The following C3orf20 variants were observed in gnomAD, a reference collection of about 807,000 sequenced individuals.
C3orf20 encodes the protein family with sequence similarity 149 member C, also known as uncharacterized protein C3orf20.
C3orf20 carries 76 observed loss-of-function variants against 88.3 expected under a neutral mutation model. That is an observed-to-expected ratio of 0.86 (90% CI 0.72 to 1.04). The LOEUF is 1.04. Ranked by LOEUF, C3orf20 falls within the 50% of genes least tolerant of loss-of-function variation. The pLI is 0.00. For missense variants in C3orf20, 1,056 were observed against 1,123.3 expected (o/e 0.94, Z 0.86); for synonymous variants, 436 against 437.4 (o/e 1.00, Z 0.04).
intron 12 of C3orf20, among the ~76,000 whole-genome samples, chr3:14,743,178 G>A (rs550299989): frequency 6.6e-6 from 1 of 152,118 alleles, no homozygotes; most frequent in East Asian, 1.9e-4. Flanking sequence ...AAAATTGAAA[G>A]CAAGCTAGCT....
intron 4 of C3orf20, among the ~76,000 whole-genome samples, chr3:14,684,763 C>G (rs747035518): frequency 6.6e-6 from 1 of 152,270 alleles, no homozygotes; most frequent in South Asian, 2.1e-4. Context: ...GCACAGGCCT[C>G]TCAGTGCTCA....
At chr3:14,770,431 C>G (rs927398380) in intron 15 of C3orf20, among the ~76,000 whole-genome samples, 1 of 152,154 alleles carries the variant, frequency 6.6e-6, no homozygotes, top group East Asian at 1.9e-4. Context: ...AGGCCCTGGC[C>G]TTAAGCAAGT....
intron 9 of C3orf20, among the ~76,000 whole-genome samples, chr3:14,721,142 T>G (rs1479959786): frequency 6.6e-6 from 1 of 152,156 alleles, no homozygotes; most frequent in Admixed American, 6.5e-5. Flanking sequence ...AGGGGCTGAG[T>G]ATGTGTGGCC....
At chr3:14,753,280 T>A (rs150606203) in intron 12 of C3orf20, among the ~76,000 whole-genome samples, 50 of 151,846 alleles carry the variant, frequency 3.3e-4, no homozygotes, top group African/African-American at 1.1e-3. Flanking sequence ...TAAGTGGGAG[T>A]TGAACAATGA....
intron 9 of C3orf20, among the ~76,000 whole-genome samples, chr3:14,719,647 C>T (rs1415910578): frequency 6.6e-6 from 1 of 152,066 alleles, no homozygotes; most frequent in Non-Finnish European, 1.5e-5. Context: ...CTCAAGAAGA[C>T]AAGTCTGTGG....
At chr3:14,753,794 T>C (rs2035284471) in intron 12 of C3orf20, among the ~76,000 whole-genome samples, 1 of 152,238 alleles carries the variant, frequency 6.6e-6, no homozygotes. Context: ...GACTGTACCA[T>C]TTGTAATGTG....
intron 5 of C3orf20, among the ~76,000 whole-genome samples, chr3:14,697,318 C>T (rs1287559581): frequency 6.6e-6 from 1 of 152,030 alleles, no homozygotes; most frequent in Admixed American, 6.5e-5. Flanking sequence ...CTTAAATTTG[C>T]CCTTTTGAGG....
chr3:14,679,648 A>G (rs2124876252), intron 1 of C3orf20, among the ~76,000 whole-genome samples: 1 of 144,670 alleles, frequency 6.9e-6, no homozygotes, highest in Middle Eastern at 3.6e-3. Flanking sequence ...CAGCTGGTAC[A>G]AAAAAAAAAA....
At chr3:14,756,814 C>T (rs573857877) in intron 12 of C3orf20, among the ~76,000 whole-genome samples, 96 of 152,242 alleles carry the variant, frequency 6.3e-4, no homozygotes, top group Non-Finnish European at 1.2e-3. Context: ...GGGACTTTGG[C>T]TTTTATTCTG....
chr3:14,764,501 A>ATTG (rs1163714149), intron 15 of C3orf20, among the ~76,000 whole-genome samples: 16 of 148,358 alleles, frequency 1.1e-4, no homozygotes, highest in African/African-American at 4.2e-4. Flanking sequence ...TATTATTATT[A>ATTG]TTATTATTGT....
At chr3:14,689,542 G>A (rs2032610145) in intron 4 of C3orf20, among the ~76,000 whole-genome samples, 1 of 152,166 alleles carries the variant, frequency 6.6e-6, no homozygotes, top group African/African-American at 2.4e-5. Flanking sequence ...GATATCAAAC[G>A]ATTCTATAAA....
chr3:14,683,346 C>T (rs1247943670), intron 3 of C3orf20, 149 bp downstream of exon 3: 3 of 1,012,324 alleles, frequency 3.0e-6, no homozygotes, highest in Admixed American at 3.1e-5. Flanking sequence ...CCTCTCACTC[C>T]TCCCTGTTCT....
intron 5 of C3orf20, among the ~76,000 whole-genome samples, chr3:14,695,399 T>C (rs1437644110): frequency 6.6e-6 from 1 of 152,146 alleles, no homozygotes; most frequent in Non-Finnish European, 1.5e-5. Flanking sequence ...AAGACTTGTT[T>C]TGTGACCTAA....
chr3:14,703,018 G>A, intron 5 of C3orf20, 112 bp from the exon 6 acceptor site: 1 of 1,304,652 alleles, frequency 7.7e-7, no homozygotes, highest in South Asian at 1.3e-5. Context: ...AAATTTTAAA[G>A]CTCCAAAATG....
intron 14 of C3orf20, among the ~76,000 whole-genome samples, chr3:14,760,576 A>AT (rs1169867097): frequency 7.3e-6 from 1 of 137,514 alleles, no homozygotes; most frequent in African/African-American, 2.6e-5. Context: ...GTAACACCTG[A>AT]TTTTTAACTA....
intron 15 of C3orf20, among the ~76,000 whole-genome samples, chr3:14,763,992 T>G (rs998469232): frequency 5.3e-5 from 8 of 152,074 alleles, no homozygotes; most frequent in African/African-American, 1.9e-4. Flanking sequence ...CACACATACA[T>G]ACACACAAAC....
At chr3:14,737,024 C>CT (rs959987174) in intron 12 of C3orf20, among the ~76,000 whole-genome samples, 3 of 152,068 alleles carry the variant, frequency 2.0e-5, no homozygotes, top group African/African-American at 7.2e-5. Context: ...GATATTGCAT[C>CT]TTTTTTTCTC....
chr3:14,700,134 G>A (rs2033191269), intron 5 of C3orf20, among the ~76,000 whole-genome samples: 1 of 152,170 alleles, frequency 6.6e-6, no homozygotes, highest in Admixed American at 6.5e-5. Context: ...ATGGGGAAGG[G>A]TTGTGTCAGC....
At chr3:14,722,481 C>T (rs552053207) in intron 10 of C3orf20, 2 of 456,668 alleles carry the variant, frequency 4.4e-6, no homozygotes, top group African/African-American at 2.0e-5. Context: ...AATCAAGGTG[C>T]TGTTACCAGG....
Sources: gnomAD v4.1 joint callset for allele counts (sites outside exome capture counted in the v4.1 genomes callset) on GRCh38, gnomAD v4.1.1 for gene constraint, MANE v1.5 for transcripts, NCBI Gene and HGNC (gene_info 2026-07-23, HGNC 2026-07-21) for gene names.